Variants in IL19 observed in about 807,000 individuals in gnomAD.
The protein encoded by IL19 is interleukin 19.
A neutral mutation model predicts 19.5 loss-of-function variants in IL19; 15 were observed. That is an observed-to-expected ratio of 0.77 (90% confidence interval 0.52 to 1.19). IL19 has a LOEUF of 1.19. Among genes scored for constraint, IL19 ranks in the 50% most tolerant of loss-of-function variants. The pLI, the probability that IL19 is intolerant of heterozygous loss-of-function variation, is 0.00. For missense variants in IL19, 199 were observed against 213.1 expected (o/e 0.93, Z 0.41); for synonymous variants, 78 against 78.3 (o/e 1.00, Z 0.02).
At chr1:206,803,737 T>G (rs541250696) in intron 2 of IL19, among the ~76,000 whole-genome samples, 1 of 152,148 alleles carries the variant, frequency 6.6e-6, no homozygotes, top group South Asian at 2.1e-4. Flanking sequence ...CCACCAGGAA[T>G]GGGGTGACCT....
intron 2 of IL19, among the ~76,000 whole-genome samples, chr1:206,827,090 A>G (rs1266375655): frequency 6.6e-6 from 1 of 152,188 alleles, no homozygotes; most frequent in Non-Finnish European, 1.5e-5. Context: ...AGTGTTATGA[A>G]AGAATTAAAT....
At chr1:206,804,315 A>G (rs1675791115) in intron 2 of IL19, among the ~76,000 whole-genome samples, 1 of 152,190 alleles carries the variant, frequency 6.6e-6, no homozygotes. Context: ...AGTGGGGGCT[A>G]ATGAACCTGG....
chr1:206,772,240 G>T (rs1353905503), intron 1 of IL19: 14 of 1,601,946 alleles, frequency 8.7e-6, no homozygotes, highest in Middle Eastern at 1.6e-4. Flanking sequence ...GTCCCAGGAA[G>T]AGAGAAAGGA....
chr1:206,792,400 C>CA (rs1006998332), intron 1 of IL19, among the ~76,000 whole-genome samples: 1 of 152,054 alleles, frequency 6.6e-6, no homozygotes, highest in Non-Finnish European at 1.5e-5. Context: ...TGTGTAATGA[C>CA]AAAAACATGA....
At chr1:206,773,692 C>T (rs1674921338) in intron 1 of IL19, among the ~76,000 whole-genome samples, 3 of 150,406 alleles carry the variant, frequency 2.0e-5, no homozygotes, top group Non-Finnish European at 2.9e-5. Context: ...GGGGAAGGAC[C>T]GGGGCAGTGA....
intron 2 of IL19, among the ~76,000 whole-genome samples, chr1:206,831,914 C>A (rs1018084977): frequency 6.6e-6 from 1 of 152,220 alleles, no homozygotes; most frequent in Non-Finnish European, 1.5e-5. Context: ...AAAGCTAGGT[C>A]AGAACATATA....
intron 4 of IL19, 127 bp downstream of exon 4, chr1:206,837,150 G>C (rs1255456462): frequency 2.7e-6 from 2 of 746,594 alleles, no homozygotes. Flanking sequence ...AATGCACCAG[G>C]CTTCTTTGTC....
rs769488868 is a variant in IL19 at position 206,798,987 on chromosome 1, T to A, written c.-22T>A. The A allele has an allele frequency of 1.5e-5, 25 of 1,613,146 alleles. No homozygotes were observed. Among genetic ancestry groups the A allele is most frequent in the Non-Finnish European group, 2.1e-5 (25 of 1,179,142 alleles). On this transcript the variant is annotated 5_prime_UTR_variant, in exon 2 of 7. In the 5' UTR this introduces an upstream ATG that the reference lacks. Transcript: ENST00000659997. The stretch of plus-strand genomic sequence containing the variant: ...ATATCCATGTGTGTGTGCCAGTGCT[T>A]TGGGGCTCTGTTCCACGGGGTAAGT...
chr1:206,836,536 T>C, intron 2 of IL19, 125 bp from the exon 3 acceptor site: 2 of 840,084 alleles, frequency 2.4e-6, no homozygotes, highest in Middle Eastern at 3.7e-4. Flanking sequence ...CTGAAGTGTT[T>C]AGTGTTGTTT....
chr1:206,823,186 T>A (rs563556607), intron 2 of IL19, among the ~76,000 whole-genome samples: 5 of 152,128 alleles, frequency 3.3e-5, no homozygotes, highest in African/African-American at 1.2e-4. Flanking sequence ...AGCCTCGGCA[T>A]CCCAAAGTGC....
chr1:206,836,940 T>C lies in IL19; in HGVS notation c.145-18T>C. 6.2e-7 allele frequency: 1 copy of C among 1,612,496 alleles called. No individual in the cohort carries two copies. Among genetic ancestry groups the C allele is most frequent in the Non-Finnish European group, 8.5e-7 (1 of 1,178,504 alleles). On this transcript the variant is annotated intron_variant, in intron 3 of 6. Transcript: ENST00000659997. ...GGATACCGATTGCTTATGTCTGTTCTTATGTTTCCCTCCACAGCAAGCTAA... is the reference window on the plus strand; with the variant it reads ...GGATACCGATTGCTTATGTCTGTTCCTATGTTTCCCTCCACAGCAAGCTAA...
At chr1:206,771,944 G>C (rs993047400) in intron 1 of IL19, among the ~76,000 whole-genome samples, 2 of 152,134 alleles carry the variant, frequency 1.3e-5, no homozygotes, top group African/African-American at 4.8e-5. Context: ...GGCATGGGGA[G>C]CATCTTCACC....
chr1:206,782,342 G>A (rs1675167127), intron 1 of IL19, among the ~76,000 whole-genome samples: 1 of 152,070 alleles, frequency 6.6e-6, no homozygotes, highest in African/African-American at 2.4e-5. Context: ...GTTTTAGTTG[G>A]AGCATAAGAA....
At chr1:206,820,382 A>G (rs567724202) in intron 2 of IL19, among the ~76,000 whole-genome samples, 4 of 152,308 alleles carry the variant, frequency 2.6e-5, no homozygotes, top group African/African-American at 9.6e-5. Flanking sequence ...GATATGTTCT[A>G]TATTTGGAGC....
At chr1:206,797,138 G>A (rs1430330456) in intron 1 of IL19, among the ~76,000 whole-genome samples, 1 of 152,152 alleles carries the variant, frequency 6.6e-6, no homozygotes, top group East Asian at 1.9e-4. Flanking sequence ...GACAGGATGT[G>A]AACATCCTTG....
chr1:206,785,712 G>T (rs1330889466), intron 1 of IL19, among the ~76,000 whole-genome samples: 1 of 152,228 alleles, frequency 6.6e-6, no homozygotes, highest in Non-Finnish European at 1.5e-5. Flanking sequence ...GCCTGAGGCT[G>T]TTCATATGTC....
chr1:206,828,935 A>T (rs1676510856), intron 2 of IL19: 1 of 151,930 alleles, frequency 6.6e-6, no homozygotes, highest in Non-Finnish European at 1.5e-5. Flanking sequence ...GACCTCAAGC[A>T]ATTGTCCTGC....
In IL19 at chr1:206,841,045, T is replaced by G. The variant is rs774926422; in HGVS notation, c.405T>G (p.Asn135Lys). The change falls in exon 6 of 7, where the codon AAT (asparagine) becomes AAG (lysine). Residue 135 changes from asparagine to lysine, a missense_variant. Coordinates refer to ENST00000659997, the MANE Select transcript of IL19 (RefSeq NM_153758.5). ...RQCHCRQEAT[N>K]ATRVIHDNYD... ...GTCACTGCAGGCAGGAAGCCACCAA[T>G]GCCACCAGAGTCATCCATGACAACT... The G allele has an allele frequency of 1.2e-6, 2 of 1,614,088 alleles. No individual in the cohort carries two copies. Among genetic ancestry groups the G allele is most frequent in the Middle Eastern group, 1.6e-4 (1 of 6,062 alleles).
At chr1:206,784,412 C>T (rs747881649) in intron 1 of IL19, among the ~76,000 whole-genome samples, 35 of 152,196 alleles carry the variant, frequency 2.3e-4, no homozygotes, top group Admixed American at 6.5e-5. Context: ...CAAGACCAGG[C>T]CCTGTCAGCC....
Sources: allele counts gnomAD v4.1 joint callset (sites outside exome capture counted in the v4.1 genomes callset), GRCh38; gene constraint gnomAD v4.1.1; transcripts MANE v1.5; gene names NCBI Gene and HGNC (gene_info 2026-07-23, HGNC 2026-07-21).